NRXN1: variants seen among roughly 807,000 people sequenced by gnomAD.
The protein encoded by NRXN1 is neurexin 1, also known as neurexin-1.
In NRXN1, 39 loss-of-function variants were observed where a neutral mutation model predicts 150.9. That is an observed-to-expected ratio of 0.26 (90% CI 0.20 to 0.34). The LOEUF (loss-of-function observed/expected upper bound fraction) is 0.34. Ranked by LOEUF, NRXN1 falls within the 10% of genes least tolerant of loss-of-function variation. The pLI, the probability that NRXN1 is intolerant of heterozygous loss-of-function variation, is 1.00. For missense variants in NRXN1, 1,815 were observed against 1,949.9 expected (o/e 0.93, Z 1.30); for synonymous variants, 924 against 757.0 (o/e 1.22, Z -3.62).
At chr2:50,739,292 T>C (rs1357483019) in intron 5 of NRXN1, 1 of 489,798 alleles carries the variant, frequency 2.0e-6, no homozygotes, top group Non-Finnish European at 4.1e-6. Flanking sequence ...GTATTAATAT[T>C]GATTTCAACA....
At chr2:50,965,558 A>G (rs1693926786) in intron 2 of NRXN1, among the ~76,000 whole-genome samples, 1 of 151,646 alleles carries the variant, frequency 6.6e-6, no homozygotes, top group East Asian at 1.9e-4. Context: ...TAGAATAATT[A>G]TCTAATGGCC....
intron 8 of NRXN1, among the ~76,000 whole-genome samples, chr2:50,591,521 T>TA (rs962893541): frequency 2.0e-5 from 3 of 152,044 alleles, no homozygotes; most frequent in South Asian, 2.1e-4. Flanking sequence ...GATAGTGATG[T>TA]AAAAAAATGT....
Position 50,009,081 on chromosome 2 carries a change from TAAGA to T in NRXN1, c.4128+44186_4128+44189del, listed in dbSNP as rs199645981. 2.0e-5 allele frequency among the ~76,000 whole-genome samples: 3 copies of T among 152,284 alleles called. No individual in the cohort carries two copies. The East Asian group carries it at 5.8e-4, about 29-fold the overall frequency. On this transcript the variant is annotated intron_variant, in intron 21 of 22. Transcript: ENST00000401669. ...TTTTCCAAAATTATTAATTAACAACTAAGAAATTGCTGAAAGCCTCCTTGGAGCA... is the reference window on the plus strand; with the variant it reads ...TTTTCCAAAATTATTAATTAACAACTAATTGCTGAAAGCCTCCTTGGAGCA...
intron 5 of NRXN1, among the ~76,000 whole-genome samples, chr2:50,877,196 T>TAC (rs952024946): frequency 2.2e-4 from 33 of 151,158 alleles, no homozygotes; most frequent in African/African-American, 4.4e-4. Context: ...CACACACATA[T>TAC]ACACACACAC....
chr2:49,931,824 TCTC>T (rs1670179052), intron 22 of NRXN1, among the ~76,000 whole-genome samples: 1 of 152,172 alleles, frequency 6.6e-6, no homozygotes, highest in Non-Finnish European at 1.5e-5. Context: ...CAAAATAGCT[TCTC>T]TTCCTGGGAG....
chr2:50,714,673 A>G (rs940412693), intron 5 of NRXN1, among the ~76,000 whole-genome samples: 1 of 152,158 alleles, frequency 6.6e-6, no homozygotes, highest in Non-Finnish European at 1.5e-5. Context: ...CCAAATTCTC[A>G]ATAGCTATTT....
chr2:50,528,493 G>A (rs1206587340), intron 12 of NRXN1, 132 bp downstream of exon 12: 1 of 629,560 alleles, frequency 1.6e-6, no homozygotes, highest in Non-Finnish European at 2.8e-6. Context: ...CCAGATGATG[G>A]ACTGGTATAC....
chr2:50,065,551 C>T (rs917329347), intron 19 of NRXN1, among the ~76,000 whole-genome samples: 6 of 152,206 alleles, frequency 3.9e-5, no homozygotes, highest in Middle Eastern at 3.4e-3. Context: ...AAATCCTCAA[C>T]GATTTATCAG....
rs775666636 is a variant in NRXN1 at position 50,091,345 on chromosome 2, T to C, written c.3696A>G (p.Pro1232=). The C allele has an allele frequency of 1.9e-6, 3 of 1,614,212 alleles. No homozygotes were observed. Among genetic ancestry groups the C allele is most frequent in the Non-Finnish European group, 2.5e-6 (3 of 1,180,026 alleles). ...GNATLQVDSW[P]VIERYPAGNN... ...TACCTGCAGGGTAGCGCTCGATCACTGGCCAGCTGTCCACCTGCAACGTGG... is the reference window on the plus strand; with the variant it reads ...TACCTGCAGGGTAGCGCTCGATCACCGGCCAGCTGTCCACCTGCAACGTGG... Residue 1232 remains proline, a synonymous_variant, in exon 19 of 23, where the codon CCA becomes CCG. Coordinates refer to ENST00000401669, the MANE Select transcript of NRXN1 (RefSeq NM_001330078.2).
intron 2 of NRXN1, among the ~76,000 whole-genome samples, chr2:50,935,659 G>A (rs999272851): frequency 5.3e-5 from 8 of 151,948 alleles, no homozygotes; most frequent in South Asian, 2.1e-4. Context: ...TCTGGGAGGC[G>A]GAGGTTGCAG....
chr2:50,007,719 A>T (rs1387822082), intron 21 of NRXN1, among the ~76,000 whole-genome samples: 1 of 151,744 alleles, frequency 6.6e-6, no homozygotes, highest in Non-Finnish European at 1.5e-5. Flanking sequence ...TTATAGTAGA[A>T]TGATTTATAA....
At chr2:50,468,528 A>C (rs1573102063) in intron 16 of NRXN1, among the ~76,000 whole-genome samples, 1 of 151,488 alleles carries the variant, frequency 6.6e-6, no homozygotes, top group South Asian at 2.1e-4. Context: ...TCTTTATTTT[A>C]TCACTGAATA....
intron 21 of NRXN1, among the ~76,000 whole-genome samples, chr2:49,965,239 T>G (rs1181767830): frequency 1.3e-5 from 2 of 152,108 alleles, no homozygotes; most frequent in African/African-American, 4.8e-5. Context: ...CTAAGGTTTC[T>G]AATTATTATA....
At chr2:50,814,091 T>A (rs939421380) in intron 5 of NRXN1, among the ~76,000 whole-genome samples, 1 of 152,174 alleles carries the variant, frequency 6.6e-6, no homozygotes, top group African/African-American at 2.4e-5. Context: ...ATGGCAACTG[T>A]ATGCAAAATG....
intron 17 of NRXN1, among the ~76,000 whole-genome samples, chr2:50,340,017 C>G (rs1030372777): frequency 6.6e-6 from 1 of 152,100 alleles, no homozygotes; most frequent in African/African-American, 2.4e-5. Flanking sequence ...TTTCCAAAAC[C>G]CTGCCTTTTA....
At chr2:50,675,156 C>T (rs1429564930) in intron 5 of NRXN1, among the ~76,000 whole-genome samples, 3 of 152,082 alleles carry the variant, frequency 2.0e-5, no homozygotes, top group Non-Finnish European at 4.4e-5. Flanking sequence ...CATCATGCTT[C>T]CTGTACAGCC....
chr2:50,715,453 A>G (rs1695744872), intron 5 of NRXN1, among the ~76,000 whole-genome samples: 1 of 152,196 alleles, frequency 6.6e-6, no homozygotes, highest in Non-Finnish European at 1.5e-5. Flanking sequence ...AACTGGATGT[A>G]AAAGTGATTT....
chr2:50,438,647 A>T (rs2104431441), intron 17 of NRXN1, among the ~76,000 whole-genome samples: 1 of 152,220 alleles, frequency 6.6e-6, no homozygotes, highest in Non-Finnish European at 1.5e-5. Flanking sequence ...TTAATTTTTG[A>T]TTCAAATTAT....
At chr2:50,946,878 G>A (rs992902237) in intron 2 of NRXN1, among the ~76,000 whole-genome samples, 1 of 152,114 alleles carries the variant, frequency 6.6e-6, no homozygotes, top group African/African-American at 2.4e-5. Context: ...AACATTTGTT[G>A]CTTTTGCTGA....
Sources: gnomAD v4.1 joint callset for allele counts (sites outside exome capture counted in the v4.1 genomes callset) on GRCh38, gnomAD v4.1.1 for gene constraint, MANE v1.5 for transcripts, NCBI Gene and HGNC (gene_info 2026-07-23, HGNC 2026-07-21) for gene names.